Variants in RGS17 observed in about 807,000 individuals in gnomAD.
The protein encoded by RGS17 is regulator of G-protein signaling 17.
A neutral mutation model predicts 25.5 loss-of-function variants in RGS17; 12 were observed. The observed-to-expected ratio is 0.47, with a 90% CI of 0.30 to 0.76. The LOEUF is 0.76. RGS17 is among the 30% of genes least tolerant of loss of function. The pLI, the probability that RGS17 is intolerant of heterozygous loss-of-function variation, is 0.07. For synonymous variants in RGS17, 71 were observed against 76.9 expected (o/e 0.92, Z 0.40); for missense variants, 196 against 242.2 (o/e 0.81, Z 1.27).
intron 1 of RGS17, among the ~76,000 whole-genome samples, chr6:153,050,404 A>G (rs1173084606): frequency 6.6e-6 from 1 of 152,214 alleles, no homozygotes; most frequent in African/African-American, 2.4e-5. Flanking sequence ...TTAACAACAT[A>G]AAAACCTAAT....
intron 1 of RGS17, among the ~76,000 whole-genome samples, chr6:153,112,167 T>C (rs147400841): frequency 6.6e-6 from 1 of 151,894 alleles, no homozygotes; most frequent in African/African-American, 2.4e-5. Flanking sequence ...TAACCCAATA[T>C]AAGAACCTTG....
chr6:153,112,089 C>T (rs374837531), intron 1 of RGS17, among the ~76,000 whole-genome samples: 6 of 152,080 alleles, frequency 3.9e-5, no homozygotes, highest in African/African-American at 1.2e-4. Flanking sequence ...ATGAGTTTGA[C>T]GAATTGACAG....
At chr6:153,054,276 G>C (rs1776521753) in intron 1 of RGS17, among the ~76,000 whole-genome samples, 1 of 150,536 alleles carries the variant, frequency 6.6e-6, no homozygotes, top group Non-Finnish European at 1.5e-5. Context: ...TGTCATCTTG[G>C]ATATCCATTT....
intron 1 of RGS17, among the ~76,000 whole-genome samples, chr6:153,111,292 GT>G (rs967554728): frequency 2.6e-5 from 4 of 152,166 alleles, no homozygotes; most frequent in Non-Finnish European, 4.4e-5. Context: ...TGAGTAGGCA[GT>G]TTTCCCCTCA....
At chr6:153,043,497 A>AC (rs1776346922) in intron 2 of RGS17, among the ~76,000 whole-genome samples, 1 of 152,014 alleles carries the variant, frequency 6.6e-6, no homozygotes, top group East Asian at 1.9e-4. Context: ...TAAAAAAAAA[A>AC]AAAAACACAT....
At chr6:153,062,796 C>A (rs1776656944) in intron 1 of RGS17, among the ~76,000 whole-genome samples, 1 of 151,996 alleles carries the variant, frequency 6.6e-6, no homozygotes, top group African/African-American at 2.4e-5. Flanking sequence ...TCTTGGATAC[C>A]AGCTCAGCCA....
intron 1 of RGS17, among the ~76,000 whole-genome samples, chr6:153,111,148 A>G (rs1777463741): frequency 6.6e-6 from 1 of 152,104 alleles, no homozygotes; most frequent in Admixed American, 6.5e-5. Flanking sequence ...GGTCTAGCTC[A>G]GCGGATCCCA....
intron 1 of RGS17, among the ~76,000 whole-genome samples, chr6:153,086,491 A>G (rs1017658303): frequency 6.6e-6 from 1 of 152,226 alleles, no homozygotes; most frequent in African/African-American, 2.4e-5. Context: ...TAATACATTT[A>G]TAACCACCTT....
At chr6:153,120,089 A>C (rs1777604266) in intron 1 of RGS17, among the ~76,000 whole-genome samples, 2 of 152,244 alleles carry the variant, frequency 1.3e-5, no homozygotes, top group African/African-American at 4.8e-5. Context: ...TAAGTTCAAA[A>C]TAACATTGCA....
At chr6:153,062,620 A>G (rs2349433) in intron 1 of RGS17, among the ~76,000 whole-genome samples, 58,395 of 151,980 alleles carry the variant, frequency 0.38, 11,921 homozygotes, top group East Asian at 0.62. Flanking sequence ...TAGTAGACTC[A>G]GGGGCACGTG....
At chr6:153,055,829 C>G (rs1291608177) in intron 1 of RGS17, among the ~76,000 whole-genome samples, 1 of 152,180 alleles carries the variant, frequency 6.6e-6, no homozygotes, top group African/African-American at 2.4e-5. Flanking sequence ...AAATTCTGCT[C>G]TAACTTCTAG....
chr6:153,050,525 A>G (rs1207422922), intron 1 of RGS17, among the ~76,000 whole-genome samples: 1 of 152,220 alleles, frequency 6.6e-6, no homozygotes, highest in Admixed American at 6.5e-5. Flanking sequence ...TGTGGATAAA[A>G]AAGTATTCCA....
intron 2 of RGS17, among the ~76,000 whole-genome samples, chr6:153,030,603 G>C (rs185933384): frequency 6.6e-6 from 1 of 152,224 alleles, no homozygotes; most frequent in East Asian, 1.9e-4. Context: ...TTATTTAACA[G>C]CTTCTACCTC....
chr6:153,011,862 G>A, intron 4 of RGS17, 100 bp from the exon 5 acceptor site: 4 of 819,760 alleles, frequency 4.9e-6, no homozygotes, highest in Non-Finnish European at 7.3e-6. Context: ...ACTTTAAAGA[G>A]CAAATCCAAC....
intron 1 of RGS17, among the ~76,000 whole-genome samples, chr6:153,124,961 C>T (rs1050736810): frequency 7.9e-5 from 12 of 152,066 alleles, no homozygotes; most frequent in African/African-American, 2.9e-4. Flanking sequence ...TAACAGGCTC[C>T]CACCTTTCAT....
intron 1 of RGS17, among the ~76,000 whole-genome samples, chr6:153,054,092 TTATA>T (rs1199437911): frequency 2.4e-5 from 1 of 42,102 alleles, no homozygotes; most frequent in Non-Finnish European, 3.8e-5. Flanking sequence ...ACAATATTTT[TTATA>T]TATATATATA....
At chr6:153,019,239 C>T (rs929532049) in intron 4 of RGS17, among the ~76,000 whole-genome samples, 1 of 152,200 alleles carries the variant, frequency 6.6e-6, no homozygotes, top group Non-Finnish European at 1.5e-5. Flanking sequence ...AGTTTATAGT[C>T]CTGGTAACGA....
chr6:153,025,953 C>CT (rs1554235743), intron 3 of RGS17, among the ~76,000 whole-genome samples: 1 of 151,598 alleles, frequency 6.6e-6, no homozygotes, highest in Non-Finnish European at 1.5e-5. Flanking sequence ...AAAGCACTTA[C>CT]AATTATATGA....
At chr6:153,017,087 G>A (rs981197019) in intron 4 of RGS17, among the ~76,000 whole-genome samples, 3 of 152,180 alleles carry the variant, frequency 2.0e-5, no homozygotes, top group Admixed American at 6.5e-5. Flanking sequence ...CCATACCAAG[G>A]TGGTGTGGAG....
Sources: allele counts gnomAD v4.1 joint callset (sites outside exome capture counted in the v4.1 genomes callset), GRCh38; gene constraint gnomAD v4.1.1; transcripts MANE v1.5; gene names NCBI Gene and HGNC (gene_info 2026-07-23, HGNC 2026-07-21).